SLC22A4: variants seen among roughly 807,000 people sequenced by gnomAD.
SLC22A4 encodes the protein ET transporter.
SLC22A4 carries 39 observed loss-of-function variants against 56.6 expected under a neutral mutation model. The observed-to-expected ratio is 0.69, with a 90% CI of 0.53 to 0.90. The LOEUF is 0.90. Ranked by LOEUF, SLC22A4 falls within the 40% of genes least tolerant of loss-of-function variation. SLC22A4 has a pLI of 0.00. For missense variants in SLC22A4, 594 were observed against 696.5 expected, an observed-to-expected ratio of 0.85 and a Z score of 1.66; for synonymous variants, 241 against 281.4, an observed-to-expected ratio of 0.86 and a Z score of 1.44.
chr5:132,334,700 T>C lies in SLC22A4; in HGVS notation c.1047-18T>C. ...CGATTCACACCATCCCTTTGTCATT[T>C]TTACCTTCTTCTTTCAGGATGCTGA... On this transcript the variant is annotated intron_variant, in intron 6 of 9. Coordinates refer to ENST00000200652, the MANE Select transcript of SLC22A4 (RefSeq NM_003059.3). 1 of 1,580,292 alleles carries C rather than the reference T, an allele frequency of 6.3e-7. No homozygotes were observed. The highest frequency in any genetic ancestry group is 1.1e-5 in the South Asian group (1 of 90,404).
chr5:132,334,456 G>T (rs552293479), intron 6 of SLC22A4, among the ~76,000 whole-genome samples: 3 of 152,316 alleles, frequency 2.0e-5, no homozygotes, highest in Non-Finnish European at 4.4e-5. Flanking sequence ...AGAACTTTCT[G>T]CAGTGACGGA....
chr5:132,342,160 C>T (rs1751238458), intron 9 of SLC22A4, among the ~76,000 whole-genome samples: 1 of 152,032 alleles, frequency 6.6e-6, no homozygotes, highest in African/African-American at 2.4e-5. Flanking sequence ...AAGAAACCAC[C>T]CACAAAGACA....
chr5:132,309,688 T>G (rs1327299481), intron 1 of SLC22A4, among the ~76,000 whole-genome samples: 2 of 152,278 alleles, frequency 1.3e-5, no homozygotes, highest in African/African-American at 4.8e-5. Context: ...TTGGTTTCAA[T>G]GCTTTGCCAT....
At chr5:132,296,763 G>T (rs978738185) in intron 1 of SLC22A4, among the ~76,000 whole-genome samples, 3 of 152,238 alleles carry the variant, frequency 2.0e-5, no homozygotes, top group Admixed American at 6.5e-5. Context: ...TGTTATGGAG[G>T]CTGGACCCAT....
At chr5:132,300,795 T>C (rs1037288923) in intron 1 of SLC22A4, among the ~76,000 whole-genome samples, 5 of 152,186 alleles carry the variant, frequency 3.3e-5, no homozygotes, top group African/African-American at 1.2e-4. Flanking sequence ...TTGCTAAGTT[T>C]TCCATCAGGC....
chr5:132,297,668 C>CA (rs1203519733), intron 1 of SLC22A4, among the ~76,000 whole-genome samples: 21 of 149,628 alleles, frequency 1.4e-4, no homozygotes, highest in African/African-American at 4.7e-4. Flanking sequence ...ATAGTTACTA[C>CA]AAAAAGAAAA....
At chr5:132,308,101 A>G (rs1561536364) in intron 1 of SLC22A4, among the ~76,000 whole-genome samples, 1 of 152,188 alleles carries the variant, frequency 6.6e-6, no homozygotes, top group Non-Finnish European at 1.5e-5. Context: ...CGGATTATTC[A>G]GGTTTTAGAA....
intron 1 of SLC22A4, among the ~76,000 whole-genome samples, chr5:132,299,114 A>G (rs1467849416): frequency 1.3e-5 from 2 of 152,204 alleles, no homozygotes; most frequent in East Asian, 1.9e-4. Flanking sequence ...GGATCTCCCA[A>G]TGGGCATATC....
At chr5:132,316,163 T>G (rs79228239) in intron 3 of SLC22A4, among the ~76,000 whole-genome samples, 3,304 of 152,304 alleles carry the variant, frequency 0.022, 121 homozygotes, top group African/African-American at 0.076. Flanking sequence ...CATGATAATT[T>G]CACATTAACT....
chr5:132,341,157 T>C (rs1210084789), intron 9 of SLC22A4, among the ~76,000 whole-genome samples: 2 of 149,152 alleles, frequency 1.3e-5, no homozygotes, highest in Non-Finnish European at 3.0e-5. Context: ...CGGTGGCACA[T>C]GCCTGTAATC....
Position 132,334,764 on chromosome 5 carries a change from A to C in SLC22A4, c.1093A>C (p.Asn365His). 1 of 1,614,036 alleles carries C rather than the reference A, an allele frequency of 6.2e-7. No homozygotes were observed. The highest frequency in any genetic ancestry group is 8.5e-7 in the Non-Finnish European group (1 of 1,179,946). ...GYFALSLDAPNLHGDAYLNCF... is the reference protein window; with the variant it reads ...GYFALSLDAPHLHGDAYLNCF... ...CTTTGCTCTGTCTCTGGATGCTCCT[A>C]ATTTACATGGAGATGCCTACCTGAA... The change falls in exon 7 of 10, where the codon AAT becomes CAT. Residue 365 changes from asparagine (N) to histidine (H), a missense_variant. By Grantham distance (68) the Asn-to-His change is moderately conservative (BLOSUM62 1). Transcript: ENST00000200652.
chr5:132,317,016 T>C (rs1365294846), intron 3 of SLC22A4, among the ~76,000 whole-genome samples: 1 of 152,152 alleles, frequency 6.6e-6, no homozygotes, highest in Non-Finnish European at 1.5e-5. Context: ...ATGGCTGCCT[T>C]CTCCCTAAGT....
At chr5:132,340,450 T>A in intron 8 of SLC22A4, 115 bp from the exon 9 acceptor site, 3 of 995,476 alleles carry the variant, frequency 3.0e-6, no homozygotes, top group Non-Finnish European at 4.8e-6. Flanking sequence ...TCTCTGAAAA[T>A]GTTCAGATTT....
chr5:132,303,530 T>A (rs1749954299), intron 1 of SLC22A4, among the ~76,000 whole-genome samples: 1 of 152,040 alleles, frequency 6.6e-6, no homozygotes, highest in Non-Finnish European at 1.5e-5. Flanking sequence ...AAGGAAGGGC[T>A]ACAGCAGCCC....
chr5:132,339,095 C>A (rs1379406351), intron 8 of SLC22A4, among the ~76,000 whole-genome samples: 1 of 152,232 alleles, frequency 6.6e-6, no homozygotes. Flanking sequence ...TCACAATCCA[C>A]ATTCTTCTGC....
intron 3 of SLC22A4, among the ~76,000 whole-genome samples, chr5:132,318,244 G>A (rs1750420919): frequency 1.3e-5 from 2 of 152,170 alleles, no homozygotes; most frequent in African/African-American, 4.8e-5. Flanking sequence ...CCCCTGACAT[G>A]TAGCACATTT....
At position 132,331,841 on chromosome 5, in the gene SLC22A4, T is replaced by C. The variant is rs1434710965; in HGVS notation, c.1037T>C (p.Leu346Ser). ...RNIAIMTIMS[L>S]LLWMLTSVGY... is the part of the protein sequence containing the mutation. ...ATTGCCATAATGACCATTATGTCTT[T>C]GCTGCTATGGTAAGTAATAAGTGAC... The change falls in exon 6 of 10, where the codon TTG becomes TCG. Residue 346 changes from leucine to serine, a missense_variant. Leu to Ser is a moderately radical substitution (Grantham distance 145). Transcript: ENST00000200652. 1 of 1,604,618 alleles carries C rather than the reference T, an allele frequency of 6.2e-7. No individual in the cohort carries two copies. Among genetic ancestry groups the C allele is most frequent in the South Asian group, 1.1e-5 (1 of 90,946 alleles).
intron 1 of SLC22A4, among the ~76,000 whole-genome samples, chr5:132,299,250 G>C (rs2126698806): frequency 6.6e-6 from 1 of 152,284 alleles, no homozygotes; most frequent in East Asian, 1.9e-4. Context: ...CCAGGAGGTA[G>C]CAATAAGGTG....
At chr5:132,325,080 T>G (rs1377401381) in intron 4 of SLC22A4, among the ~76,000 whole-genome samples, 2 of 152,106 alleles carry the variant, frequency 1.3e-5, no homozygotes, top group African/African-American at 4.8e-5. Context: ...AAGCAGGCCA[T>G]AGATGCAATG....
Sources: allele counts gnomAD v4.1 joint callset (sites outside exome capture counted in the v4.1 genomes callset), GRCh38; gene constraint gnomAD v4.1.1; transcripts MANE v1.5; gene names NCBI Gene and HGNC (gene_info 2026-07-23, HGNC 2026-07-21).